Variants in RBFA observed in about 807,000 individuals in gnomAD.
RBFA encodes ribosome binding factor A.
A neutral mutation model predicts 27.9 loss-of-function variants in RBFA; 16 were observed. The observed-to-expected ratio is 0.57, with a 90% confidence interval of 0.39 to 0.87. The LOEUF (loss-of-function observed/expected upper bound fraction) is 0.87. RBFA is among the 40% of genes least tolerant of loss of function. The pLI, the probability that RBFA is intolerant of heterozygous loss-of-function variation, is 0.00. For synonymous variants in RBFA, 181 were observed against 181.0 expected (o/e 1.00, Z 0.00); for missense variants, 456 against 432.1 (o/e 1.06, Z -0.49).
chr18:80,040,678 G>A (rs2052010628), intron 4 of RBFA, among the ~76,000 whole-genome samples: 1 of 152,146 alleles, frequency 6.6e-6, no homozygotes, highest in South Asian at 2.1e-4. Flanking sequence ...GATTTTGTGG[G>A]GGGGAGTGTA....
intron 5 of RBFA, among the ~76,000 whole-genome samples, chr18:80,043,795 C>T (rs1250430275): frequency 1.3e-5 from 2 of 152,162 alleles, no homozygotes; most frequent in East Asian, 1.9e-4. Flanking sequence ...TGTGACTGTC[C>T]GCATCATCTT....
chr18:80,034,695 AG>A, intron 1 of RBFA, 42 bp downstream of exon 1: 1 of 1,590,374 alleles, frequency 6.3e-7, no homozygotes. Context: ...GGTATTCCCT[AG>A]GGGGCGGTGT....
At position 80,036,631 on chromosome 18, in the gene RBFA, T is replaced by C. The variant is rs1030330755; in HGVS notation, c.159-37T>C. 3.2e-6 allele frequency: 5 copies of C among 1,548,448 alleles called. No homozygotes were observed. In the African/African-American group the frequency reaches 6.8e-5, roughly 21 times the overall value. On this transcript the variant is annotated intron_variant, in intron 1 of 6. Transcript: ENST00000306735. ...ATTAGCTTATGTAACTTTTTGACTT[T>C]GCCATCACTAACATAATGCTTATTT...
At position 80,040,054 on chromosome 18, in the gene RBFA, C is replaced by T. The variant is rs12604824; in HGVS notation, c.491+1437C>T. On this transcript the variant is annotated intron_variant, in intron 4 of 6. Coordinates refer to ENST00000306735, the MANE Select transcript of RBFA (RefSeq NM_024805.3). ...CCTCCTGAGTAGCTGGGGTTACAGA[C>T]GCCCGCCACCATGCCCAGCTAATTT... is the stretch of plus-strand genomic sequence containing the variant. 2.2e-3 allele frequency among the ~76,000 whole-genome samples: 329 copies of T among 152,116 alleles called. No individual in the cohort carries two copies. The South Asian group carries it at 0.027, about 12-fold the overall frequency.
At position 80,048,440 on chromosome 18, in the gene RBFA, CTG is replaced by C. The variant is rs2052071385; in HGVS notation, c.*2289_*2290del. On this transcript the variant is annotated 3_prime_UTR_variant, in exon 7 of 7. Coordinates refer to ENST00000306735, the MANE Select transcript of RBFA (RefSeq NM_024805.3). ...TTTGCATGCATCTGATGTGCCCAGG[CTG>C]TGTTTTATTGTTCTAGCAATTTATT... is the stretch of plus-strand genomic sequence containing the variant. Among the ~76,000 whole-genome samples the C allele has an allele frequency of 6.6e-6, 1 of 152,176 alleles. No individual in the cohort carries two copies. Among genetic ancestry groups the C allele is most frequent in the Admixed American group, 6.5e-5 (1 of 15,282 alleles).
chr18:80,037,587 C>G (rs2056039893), intron 3 of RBFA, 81 bp downstream of exon 3: 2 of 1,350,398 alleles, frequency 1.5e-6, no homozygotes, highest in Admixed American at 2.2e-5. Flanking sequence ...TCTTGCCTGA[C>G]AATTAAAAAA....
At position 80,034,444 on chromosome 18, in the gene RBFA, C is replaced by A; in HGVS notation, c.-52C>A. 1 of 1,419,100 alleles carries A rather than the reference C, an allele frequency of 7.0e-7. No individual in the cohort carries two copies. 87.9% of individuals were successfully genotyped at this position (1,419,100 alleles called of 1,614,324 possible). A position where few individuals can be genotyped will look rare whatever the true frequency, so the allele number is the denominator to read the frequency against. On this transcript the variant is annotated 5_prime_UTR_variant, in exon 1 of 7. Coordinates refer to ENST00000306735, the MANE Select transcript of RBFA (RefSeq NM_024805.3). ...CGCCACCCTCGCGTCAGTTGTCGCT[C>A]CGCGCCTGCGCCCGTTGTCTCCCTG...
rs2052062646 is a variant in RBFA at position 80,047,320 on chromosome 18, A to T, written c.*1165A>T. ...AAGGGATAGCAGACCCGTAGCACTGAGCGGCCTGCCGTGCTGACCACTGGA... is the reference window on the plus strand; with the variant it reads ...AAGGGATAGCAGACCCGTAGCACTGTGCGGCCTGCCGTGCTGACCACTGGA... On this transcript the variant is annotated 3_prime_UTR_variant, in exon 7 of 7. Coordinates refer to ENST00000306735, the MANE Select transcript of RBFA (RefSeq NM_024805.3). The T allele has an allele frequency of 6.6e-6, 1 of 152,326 alleles. No individual in the cohort carries two copies. The highest frequency in any genetic ancestry group is 2.1e-4 in the South Asian group (1 of 4,832). The allele number at this position is 152,326 out of a possible 1,614,324, so 9.4% of individuals were successfully genotyped here.
In RBFA at chr18:80,048,884, G is replaced by GTCA. The variant is rs2052075576; in HGVS notation, c.*2729_*2730insTCA. 3.6e-5 allele frequency among the ~76,000 whole-genome samples: 5 copies of GTCA among 137,462 alleles called. No homozygotes were observed. The highest frequency in any genetic ancestry group is 1.5e-4 in the African/African-American group (5 of 33,034). The allele number at this position is 137,462 out of a possible 152,430, so 90.2% of individuals were successfully genotyped here. On this transcript the variant is annotated 3_prime_UTR_variant, in exon 7 of 7. Transcript: ENST00000306735. ...TTTGCAGGGGATCCAACCAGGCGTC[G>GTCA]GCTCAGTGCCTCCTAGAAAGTGGAG...
chr18:80,049,565 G>A lies in RBFA; in HGVS notation c.*3410G>A, dbSNP rs544021174. Among the ~76,000 whole-genome samples the A allele has an allele frequency of 2.6e-5, 4 of 152,216 alleles. No individual in the cohort carries two copies. In the East Asian group the frequency reaches 7.7e-4, roughly 29 times the overall value. On this transcript the variant is annotated 3_prime_UTR_variant, in exon 7 of 7. Coordinates refer to ENST00000306735, the MANE Select transcript of RBFA (RefSeq NM_024805.3). ...GATGAAATGTGAAACGACTTCACAGGTTTTCAGTCTGATAAGCTCTCCTGT... is the reference window on the plus strand; with the variant it reads ...GATGAAATGTGAAACGACTTCACAGATTTTCAGTCTGATAAGCTCTCCTGT...
intron 1 of RBFA, chr18:80,035,521 G>C (rs1326938808): frequency 6.6e-6 from 1 of 152,192 alleles, no homozygotes; most frequent in East Asian, 1.9e-4. Flanking sequence ...TATGGCTTTT[G>C]GGGAGGAAGA....
In RBFA at chr18:80,045,865, A is replaced by C. The variant is rs376612772; in HGVS notation, c.742A>C (p.Ile248Leu). ...CGATCATGAGGCGCTCAACAAGCAG[A>C]TTATGGAGTACAAAAGGAGGAAAGA... Reference protein sequence around the residue: ...GIDHEALNKQIMEYKRRKDKG... With the variant: ...GIDHEALNKQLMEYKRRKDKG... Residue 248 changes from isoleucine to leucine, a missense_variant, in exon 7 of 7, where the codon ATT becomes CTT. Transcript: ENST00000306735. 35 of 1,600,126 alleles carry C rather than the reference A, an allele frequency of 2.2e-5. No individual in the cohort carries two copies. The highest frequency in any genetic ancestry group is 1.7e-4 in the Middle Eastern group (1 of 6,004).
At chr18:80,036,780 A>G (rs2051982132) in intron 2 of RBFA, 70 bp downstream of exon 2, 1 of 1,144,260 alleles carries the variant, frequency 8.7e-7, no homozygotes, top group African/African-American at 1.5e-5. Flanking sequence ...CAAAACTCTT[A>G]CCTGGAGGTC....
rs1481445867 is a variant in RBFA, at chr18:80,034,519, G to A, written c.24G>A (p.Leu8=). 6.3e-7 allele frequency: 1 copy of A among 1,585,690 alleles called. No homozygotes were observed. The highest frequency in any genetic ancestry group is 1.8e-5 in the Admixed American group (1 of 54,594). The part of the protein sequence containing the change: MWAAAGG[L]WRSRAGLRAL... ...CCATGTGGGCTGCGGCGGGCGGGCT[G>A]TGGCGCTCCCGCGCGGGTCTCCGGG... Residue 8 remains leucine (L), a synonymous_variant, in exon 1 of 7, where the codon CTG becomes CTA. Transcript: ENST00000306735.
intron 5 of RBFA, 39 bp downstream of exon 5, chr18:80,042,258 T>C (rs751538622): frequency 1.6e-5 from 22 of 1,368,762 alleles, no homozygotes; most frequent in Non-Finnish European, 2.2e-5. Context: ...TTTAAAAATT[T>C]TTATTTTTTT....
chr18:80,034,585 C>T lies in RBFA; in HGVS notation c.90C>T (p.Cys30=), dbSNP rs1415606382. The change falls in exon 1 of 7, where the codon TGC becomes TGT. Residue 30 remains cysteine, a synonymous_variant. Coordinates refer to ENST00000306735, the MANE Select transcript of RBFA (RefSeq NM_024805.3). The part of the protein sequence containing the change: ...RSRDAALFPG[C]ERGLHCSAVS... ...GCGATGCTGCGCTATTTCCAGGCTG[C>T]GAGCGGGGACTTCACTGCTCTGCTG... 10 of 1,609,430 alleles carry T rather than the reference C, an allele frequency of 6.2e-6. No homozygotes were observed. The Admixed American group carries it at 8.4e-5, about 14-fold the overall frequency.
intron 5 of RBFA, among the ~76,000 whole-genome samples, chr18:80,042,675 G>A (rs2052024303): frequency 6.6e-6 from 1 of 152,042 alleles, no homozygotes; most frequent in Non-Finnish European, 1.5e-5. Context: ...GGAGGCTGAG[G>A]CAGAAGAATC....
intron 3 of RBFA, 92 bp from the exon 4 acceptor site, chr18:80,038,413 C>T (rs950819189): frequency 3.8e-5 from 31 of 825,158 alleles, no homozygotes; most frequent in East Asian, 5.1e-5. Flanking sequence ...GTGGGAGGGG[C>T]GTCTGCAGCT....
chr18:80,038,558 C>T lies in RBFA; in HGVS notation c.432C>T (p.Leu144=), dbSNP rs767569478. Residue 144 remains leucine, a synonymous_variant, in exon 4 of 7, where the codon CTC becomes CTT. Transcript: ENST00000306735. ...SACRAYWKTT[L]SAEQNAHMEA... ...GCCGAGCGTACTGGAAGACAACGCT[C>T]TCTGCTGAGCAGAACGCACACATGG... is the stretch of plus-strand genomic sequence containing the variant. 1.2e-6 allele frequency: 2 copies of T among 1,614,100 alleles called. No individual in the cohort carries two copies. Among genetic ancestry groups the T allele is most frequent in the South Asian group, 1.1e-5 (1 of 91,084 alleles).
Sources: gnomAD v4.1 joint callset for allele counts (sites outside exome capture counted in the v4.1 genomes callset) on GRCh38, gnomAD v4.1.1 for gene constraint, MANE v1.5 for transcripts, NCBI Gene and HGNC (gene_info 2026-07-23, HGNC 2026-07-21) for gene names.